The following PLXDC2 variants were observed in gnomAD, a reference collection of about 807,000 sequenced individuals.
PLXDC2 encodes the protein plexin domain containing 2.
Under a neutral mutation model 68.9 loss-of-function variants are expected in PLXDC2, and 40 were observed. The observed-to-expected ratio is 0.58, with a 90% CI of 0.45 to 0.76. The LOEUF is 0.76. PLXDC2 is among the 30% of genes least tolerant of loss of function. PLXDC2 has a pLI of 0.00. For missense variants in PLXDC2, 644 were observed against 661.9 expected (o/e 0.97, Z 0.30); for synonymous variants, 243 against 234.2 (o/e 1.04, Z -0.34).
chr10:20,162,122 A>T (rs1434514467), intron 6 of PLXDC2, among the ~76,000 whole-genome samples: 2 of 149,834 alleles, frequency 1.3e-5, no homozygotes, highest in African/African-American at 2.5e-5. Flanking sequence ...GAAGGAAGGA[A>T]GGAAGGAAAG....
intron 2 of PLXDC2, 88 bp downstream of exon 2, chr10:20,002,074 T>C: frequency 7.7e-7 from 1 of 1,290,588 alleles, no homozygotes; most frequent in South Asian, 1.4e-5. Flanking sequence ...AGTTGTCTCT[T>C]CATCTCAATC....
At chr10:19,968,548 A>T (rs113160306) in intron 1 of PLXDC2, among the ~76,000 whole-genome samples, 3,489 of 152,164 alleles carry the variant, frequency 0.023, 144 homozygotes, top group African/African-American at 0.08. Context: ...CCTGGACTCA[A>T]GTGATACACC....
intron 13 of PLXDC2, among the ~76,000 whole-genome samples, chr10:20,259,622 G>A (rs1588548782): frequency 6.6e-6 from 1 of 152,296 alleles, no homozygotes; most frequent in South Asian, 2.1e-4. Context: ...AGAAAGCAAA[G>A]GGAATCCACA....
chr10:20,065,995 A>G (rs1457524347), intron 3 of PLXDC2, among the ~76,000 whole-genome samples: 1 of 152,224 alleles, frequency 6.6e-6, no homozygotes, highest in Non-Finnish European at 1.5e-5. Flanking sequence ...ACTTCTGAGG[A>G]AGTTATTGCA....
At chr10:19,979,030 C>A (rs182977279) in intron 1 of PLXDC2, among the ~76,000 whole-genome samples, 2 of 152,220 alleles carry the variant, frequency 1.3e-5, no homozygotes, top group Admixed American at 6.5e-5. Flanking sequence ...ACAAAATAAA[C>A]GTTTCTTGAT....
At chr10:19,830,298 C>T (rs751469456) in intron 1 of PLXDC2, among the ~76,000 whole-genome samples, 5 of 152,196 alleles carry the variant, frequency 3.3e-5, no homozygotes, top group Non-Finnish European at 5.9e-5. Flanking sequence ...TAGTACCACA[C>T]TCAGGGACTT....
At chr10:20,195,517 T>G (rs915774185) in intron 9 of PLXDC2, among the ~76,000 whole-genome samples, 1 of 152,132 alleles carries the variant, frequency 6.6e-6, no homozygotes, top group Admixed American at 6.6e-5. Flanking sequence ...GATAATGGTC[T>G]TCTCTATTCA....
chr10:20,184,543 G>A (rs549792528), intron 9 of PLXDC2, among the ~76,000 whole-genome samples: 1 of 151,638 alleles, frequency 6.6e-6, no homozygotes, highest in Non-Finnish European at 1.5e-5. Context: ...TTAATTAAGG[G>A]TTAAAATAAT....
intron 6 of PLXDC2, among the ~76,000 whole-genome samples, chr10:20,149,862 A>G (rs1252658510): frequency 6.6e-6 from 1 of 152,134 alleles, no homozygotes; most frequent in East Asian, 1.9e-4. Flanking sequence ...GCTATTATAA[A>G]TAGTGCTGCA....
intron 1 of PLXDC2, among the ~76,000 whole-genome samples, chr10:19,901,437 G>A (rs899302246): frequency 1.4e-4 from 22 of 152,070 alleles, no homozygotes; most frequent in Non-Finnish European, 2.9e-5. Context: ...GTGATGTTGA[G>A]CATTTTTCCA....
At position 20,281,350 on chromosome 10, in the gene PLXDC2, A is replaced by G. The variant is rs1836079666; in HGVS notation, c.*1531A>G. ...AGGTACTGAGTGTACAATTTCACCA[A>G]CATTCTAACCCATGAAACTTTTACA... is the stretch of plus-strand genomic sequence containing the variant. On this transcript the variant is annotated 3_prime_UTR_variant, in exon 14 of 14. Transcript: ENST00000377252. 6.6e-6 allele frequency: 1 copy of G among 152,144 alleles called. No homozygotes were observed. Among genetic ancestry groups the G allele is most frequent in the Non-Finnish European group, 1.5e-5 (1 of 68,016 alleles). 9.4% of individuals were successfully genotyped at this position (152,144 alleles called of 1,614,324 possible).
At chr10:20,017,087 A>G (rs1835225186) in intron 2 of PLXDC2, among the ~76,000 whole-genome samples, 2 of 152,322 alleles carry the variant, frequency 1.3e-5, no homozygotes, top group African/African-American at 2.4e-5. Context: ...AGAAAGAGAG[A>G]GGCAGAGAGA....
chr10:19,989,911 G>A (rs1038210162), intron 1 of PLXDC2, among the ~76,000 whole-genome samples: 18 of 151,722 alleles, frequency 1.2e-4, no homozygotes, highest in East Asian at 1.9e-4. Flanking sequence ...CACCATGCCC[G>A]GCTAATTTTT....
chr10:20,090,846 A>G (rs1833266392), intron 4 of PLXDC2, among the ~76,000 whole-genome samples: 1 of 152,238 alleles, frequency 6.6e-6, no homozygotes, highest in Admixed American at 6.5e-5. Flanking sequence ...TAATTTAAAA[A>G]GCATACTTTT....
intron 13 of PLXDC2, among the ~76,000 whole-genome samples, chr10:20,268,698 A>G (rs1260157456): frequency 2.0e-5 from 3 of 152,198 alleles, no homozygotes; most frequent in Admixed American, 2.0e-4. Context: ...CTCCAGACAC[A>G]AGTAACTTGA....
chr10:19,949,112 C>T lies in PLXDC2; in HGVS notation c.113-52663C>T, dbSNP rs150165556. ...ACTGCACTCCAGTCTGGCAACAGAGCGAGACTTTGTCAAAAAAAAAAAAAA... is the reference window on the plus strand; with the variant it reads ...ACTGCACTCCAGTCTGGCAACAGAGTGAGACTTTGTCAAAAAAAAAAAAAA... On this transcript the variant is annotated intron_variant, in intron 1 of 13. Coordinates refer to ENST00000377252, the MANE Select transcript of PLXDC2 (RefSeq NM_032812.9). Among the ~76,000 whole-genome samples, 477 of 95,246 alleles carry T rather than the reference C, an allele frequency of 5.0e-3. 3 individuals carry two copies. The highest frequency in any genetic ancestry group is 0.02 in the African/African-American group (458 of 23,280). 62.5% of individuals were successfully genotyped at this position (95,246 alleles called of 152,430 possible).
chr10:19,987,141 T>C, intron 1 of PLXDC2, among the ~76,000 whole-genome samples: 1 of 152,200 alleles, frequency 6.6e-6, no homozygotes, highest in Admixed American at 6.5e-5. Context: ...CAAGTGAGGT[T>C]AATCCCATTT....
intron 1 of PLXDC2, among the ~76,000 whole-genome samples, chr10:19,931,582 C>A (rs188929308): frequency 6.6e-6 from 1 of 152,234 alleles, no homozygotes; most frequent in East Asian, 1.9e-4. Context: ...GATCACCGCC[C>A]CCTAGGTTTG....
intron 1 of PLXDC2, among the ~76,000 whole-genome samples, chr10:19,997,613 A>G (rs1203048794): frequency 2.0e-5 from 3 of 152,254 alleles, no homozygotes; most frequent in Non-Finnish European, 4.4e-5. Context: ...AGATATTTTA[A>G]TAAAATCATT....
Sources: allele counts gnomAD v4.1 joint callset (sites outside exome capture counted in the v4.1 genomes callset), GRCh38; gene constraint gnomAD v4.1.1; transcripts MANE v1.5; gene names NCBI Gene and HGNC (gene_info 2026-07-23, HGNC 2026-07-21).